SLC39A11: variants seen among roughly 807,000 people sequenced by gnomAD.
SLC39A11 encodes zinc transporter ZIP11.
Under a neutral mutation model 36.1 loss-of-function variants are expected in SLC39A11, and 33 were observed. The ratio of observed to expected loss-of-function variants is 0.91; its 90% confidence interval spans 0.69 to 1.22. The LOEUF is 1.22. Among genes scored for constraint, SLC39A11 ranks in the 50% most tolerant of loss-of-function variants. The pLI, the probability that SLC39A11 is intolerant of heterozygous loss-of-function variation, is 0.00. For missense variants in SLC39A11, 432 were observed against 430.3 expected (o/e 1.00, Z -0.03); for synonymous variants, 166 against 170.3 (o/e 0.97, Z 0.20).
At chr17:72,798,040 G>A (rs1403096097) in intron 6 of SLC39A11, among the ~76,000 whole-genome samples, 1 of 152,118 alleles carries the variant, frequency 6.6e-6, no homozygotes, top group East Asian at 1.9e-4. Flanking sequence ...GCAGATGTTG[G>A]AAGGAGAGGG....
At chr17:72,711,354 G>A (rs1168398760) in intron 7 of SLC39A11, among the ~76,000 whole-genome samples, 1 of 152,166 alleles carries the variant, frequency 6.6e-6, no homozygotes. Flanking sequence ...CCTTAAAGGG[G>A]GGAAGTGTAT....
rs370583123 is a variant in SLC39A11 at position 72,957,811 on chromosome 17, C to T, written c.307-9936G>A. Reference sequence around the variant, plus strand: ...TCCAGCCTGGGCGACAAAGGGAGACCCTGTCTCAAAAAAAAAAAACAAACA... The same window carrying T: ...TCCAGCCTGGGCGACAAAGGGAGACTCTGTCTCAAAAAAAAAAAACAAACA... On this transcript the variant is annotated intron_variant, in intron 4 of 9. Coordinates refer to ENST00000255559, the MANE Select transcript of SLC39A11 (RefSeq NM_139177.4). Among the ~76,000 whole-genome samples the T allele has an allele frequency of 4.2e-3, 453 of 107,892 alleles. 4 individuals are homozygous for T. The highest frequency in any genetic ancestry group is 0.012 in the African/African-American group (422 of 34,532). The allele number at this position is 107,892 out of a possible 152,430, so 70.8% of individuals were successfully genotyped here.
At chr17:72,871,056 G>GTTTTTTTTTTTT (rs34776144) in intron 5 of SLC39A11, among the ~76,000 whole-genome samples, 5 of 124,310 alleles carry the variant, frequency 4.0e-5, no homozygotes, top group Admixed American at 8.0e-5. Context: ...TTTTGTTTTT[G>GTTTTTTTTTTTT]TTTTTTTTTT....
chr17:72,822,017 C>A (rs960128717), intron 6 of SLC39A11: 6 of 151,346 alleles, frequency 4.0e-5, no homozygotes, highest in African/African-American at 1.5e-4. Context: ...GATGTGCAAG[C>A]TGCAGCTGGA....
At chr17:72,900,078 GAGAGAA>G (rs753661862) in intron 5 of SLC39A11, among the ~76,000 whole-genome samples, 16 of 143,988 alleles carry the variant, frequency 1.1e-4, no homozygotes, top group Middle Eastern at 7.0e-3. Flanking sequence ...GAGAGAGAAA[GAGAGAA>G]AGAGAAAGAG....
At chr17:72,898,340 G>A (rs2082134705) in intron 5 of SLC39A11, among the ~76,000 whole-genome samples, 1 of 152,216 alleles carries the variant, frequency 6.6e-6, no homozygotes, top group Admixed American at 6.5e-5. Context: ...GACGCTTCAG[G>A]CCTCCCGGCG....
At chr17:72,803,436 C>T (rs774590022) in intron 6 of SLC39A11, among the ~76,000 whole-genome samples, 3 of 152,348 alleles carry the variant, frequency 2.0e-5, no homozygotes, top group Admixed American at 6.5e-5. Flanking sequence ...AAATGCCACA[C>T]GCAGGAGGTA....
chr17:73,042,390 T>A (rs893517245), intron 3 of SLC39A11, among the ~76,000 whole-genome samples: 3 of 152,196 alleles, frequency 2.0e-5, no homozygotes, highest in Admixed American at 1.3e-4. Flanking sequence ...GTGCCTACTA[T>A]GGAGCAGATC....
At position 72,737,554 on chromosome 17, in the gene SLC39A11, T is replaced by C. The variant is rs148942930; in HGVS notation, c.602-835A>G. On this transcript the variant is annotated intron_variant, in intron 6 of 9. Transcript: ENST00000255559. ...CAAGGTTGATACAGCAGCCCAAAGA[T>C]GTCACTGCAGACATAGGTGTCTTTA... Among the ~76,000 whole-genome samples, 452 of 152,322 alleles carry C rather than the reference T, an allele frequency of 3.0e-3. 4 individuals carry two copies. Among genetic ancestry groups the C allele is most frequent in the African/African-American group, 0.01 (429 of 41,574 alleles).
intron 5 of SLC39A11, among the ~76,000 whole-genome samples, chr17:72,903,262 T>C (rs2082485899): frequency 8.9e-6 from 1 of 112,386 alleles, no homozygotes; most frequent in Admixed American, 1.0e-4. Flanking sequence ...CAAGACTCTG[T>C]CTCGAAAAGA....
chr17:72,932,393 A>G (rs1250131861), intron 5 of SLC39A11, among the ~76,000 whole-genome samples: 2 of 151,868 alleles, frequency 1.3e-5, no homozygotes, highest in Non-Finnish European at 2.9e-5. Context: ...TGCTGCACCC[A>G]TCAACCCGTC....
In SLC39A11 at chr17:72,874,369, C is replaced by T. The variant is rs185209961; in HGVS notation, c.431-24565G>A. On this transcript the variant is annotated intron_variant, in intron 5 of 9. Coordinates refer to ENST00000255559, the MANE Select transcript of SLC39A11 (RefSeq NM_139177.4). ...ACTGTCTCTGTTCCTTCTCTCCCAC[C>T]CCGGACATGCAGTTCCCTCTCATGA... 4.6e-3 allele frequency among the ~76,000 whole-genome samples: 700 copies of T among 152,204 alleles called. 5 individuals carry two copies. The highest frequency in any genetic ancestry group is 0.016 in the African/African-American group (671 of 41,514).
chr17:72,897,824 G>A (rs1025121229), intron 5 of SLC39A11, among the ~76,000 whole-genome samples: 8 of 152,156 alleles, frequency 5.3e-5, no homozygotes, highest in Admixed American at 1.3e-4. Flanking sequence ...AAGTGTGGGC[G>A]GCTGACCCAG....
At chr17:73,003,349 A>G (rs1221639696) in intron 4 of SLC39A11, among the ~76,000 whole-genome samples, 1 of 152,220 alleles carries the variant, frequency 6.6e-6, no homozygotes, top group Non-Finnish European at 1.5e-5. Context: ...CAAAGTACTC[A>G]TATGACAAAT....
At chr17:72,728,658 G>C (rs967027382) in intron 7 of SLC39A11, among the ~76,000 whole-genome samples, 3 of 152,124 alleles carry the variant, frequency 2.0e-5, no homozygotes, top group Non-Finnish European at 2.9e-5. Context: ...CCAGAAATAG[G>C]TGTTGGGCCA....
intron 4 of SLC39A11, among the ~76,000 whole-genome samples, chr17:73,017,275 AAT>A (rs1404354756): frequency 6.6e-6 from 1 of 152,238 alleles, no homozygotes; most frequent in African/African-American, 2.4e-5. Context: ...GGGACTAGAC[AAT>A]AATAGACTAT....
At chr17:72,665,709 G>A (rs1166426022) in intron 7 of SLC39A11, among the ~76,000 whole-genome samples, 1 of 151,986 alleles carries the variant, frequency 6.6e-6, no homozygotes, top group Non-Finnish European at 1.5e-5. Context: ...ATTCCGTTAC[G>A]CAGCAATAAG....
In SLC39A11 at chr17:72,911,132, A is replaced by G. The variant is rs116176020; in HGVS notation, c.430+36620T>C. Among the ~76,000 whole-genome samples the G allele has an allele frequency of 3.6e-3, 554 of 152,194 alleles. 3 individuals carry two copies. The highest frequency in any genetic ancestry group is 0.012 in the African/African-American group (512 of 41,512). ...TAAATAGACCTTCCCTGTACACATA[A>G]AATAAAATAATATCGCTGCCTCCAC... On this transcript the variant is annotated intron_variant, in intron 5 of 9. Transcript: ENST00000255559.
chr17:72,649,050 G>T (rs774048075), intron 8 of SLC39A11, 89 bp from the exon 9 acceptor site: 1 of 1,548,700 alleles, frequency 6.5e-7, no homozygotes, highest in Non-Finnish European at 8.8e-7. Flanking sequence ...CCTAGCACAT[G>T]GATGCATGCC....
Sources: allele counts gnomAD v4.1 joint callset (sites outside exome capture counted in the v4.1 genomes callset), GRCh38; gene constraint gnomAD v4.1.1; transcripts MANE v1.5; gene names NCBI Gene and HGNC (gene_info 2026-07-23, HGNC 2026-07-21).